Variants in HECW2 observed in about 807,000 individuals in gnomAD.
HECW2 encodes E3 ubiquitin-protein ligase HECW2.
In HECW2, 61 loss-of-function variants were observed where a neutral mutation model predicts 175.2. That is an observed-to-expected ratio of 0.35 (90% CI 0.28 to 0.43). HECW2 has a LOEUF of 0.43. Among genes scored for constraint, HECW2 ranks in the 20% least tolerant of loss-of-function variants. The pLI is 1.00. For synonymous variants in HECW2, 671 were observed against 731.0 expected (o/e 0.92, Z 1.32); for missense variants, 1,524 against 2,000.5 (o/e 0.76, Z 4.54).
intron 2 of HECW2, among the ~76,000 whole-genome samples, chr2:196,420,062 TATC>T (rs1305592697): frequency 6.6e-5 from 10 of 152,334 alleles, no homozygotes; most frequent in Admixed American, 5.2e-4. Flanking sequence ...GGAAGAGAAA[TATC>T]ATGCTTTCTC....
chr2:196,481,136 C>A (rs1686830101), intron 1 of HECW2, among the ~76,000 whole-genome samples: 1 of 152,212 alleles, frequency 6.6e-6, no homozygotes, highest in Non-Finnish European at 1.5e-5. Context: ...TGCCTGCTTT[C>A]AGGACTGCTT....
intron 3 of HECW2, among the ~76,000 whole-genome samples, chr2:196,334,870 T>C (rs1692494933): frequency 6.6e-6 from 1 of 152,206 alleles, no homozygotes; most frequent in South Asian, 2.1e-4. Flanking sequence ...TCACAGAACC[T>C]TGGGAGGCAG....
Position 196,521,021 on chromosome 2 carries a change from C to T in HECW2, c.-36+72487G>A, listed in dbSNP as rs573726583. ...CAAAACCCAGCAGCCTTGTGGCATG[C>T]AACACTAGGGTGGGTTCAGATCAGG... On this transcript the variant is annotated intron_variant, in intron 1 of 28. Transcript: ENST00000644978. 9.2e-5 allele frequency among the ~76,000 whole-genome samples: 14 copies of T among 152,248 alleles called. 1 individual carries two copies. Among genetic ancestry groups the T allele is most frequent in the Admixed American group, 8.5e-4 (13 of 15,298 alleles).
intron 1 of HECW2, among the ~76,000 whole-genome samples, chr2:196,434,057 T>C (rs563994093): frequency 1.3e-4 from 20 of 151,878 alleles, no homozygotes; most frequent in Non-Finnish European, 2.8e-4. Context: ...TTTTTCTCTA[T>C]AGCAATTTTT....
intron 1 of HECW2, among the ~76,000 whole-genome samples, chr2:196,585,682 A>G (rs537517487): frequency 5.4e-4 from 82 of 152,180 alleles, no homozygotes; most frequent in African/African-American, 2.0e-3. Context: ...AGAACAAAGG[A>G]GGAGAAGGAG....
intron 2 of HECW2, among the ~76,000 whole-genome samples, chr2:196,415,317 T>C (rs942044439): frequency 2.0e-5 from 3 of 152,092 alleles, no homozygotes; most frequent in Non-Finnish European, 4.4e-5. Flanking sequence ...GCCTATGAGA[T>C]TGAAAAAATG....
At chr2:196,229,420 G>C (rs1347692170) in intron 21 of HECW2, among the ~76,000 whole-genome samples, 1 of 152,152 alleles carries the variant, frequency 6.6e-6, no homozygotes, top group East Asian at 1.9e-4. Context: ...AGCACTTTGG[G>C]AAGCCAAGGC....
chr2:196,336,928 C>T (rs78441158), intron 3 of HECW2, among the ~76,000 whole-genome samples: 1 of 151,400 alleles, frequency 6.6e-6, no homozygotes, highest in Non-Finnish European at 1.5e-5. Flanking sequence ...AAACCACACA[C>T]GCTGGTCACT....
At position 196,343,559 on chromosome 2, in the gene HECW2, C is replaced by T. The variant is rs571236891; in HGVS notation, c.400+98G>A. 3 of 767,700 alleles carry T rather than the reference C, an allele frequency of 3.9e-6. No individual in the cohort carries two copies. The South Asian group carries it at 5.6e-5, about 14-fold the overall frequency. The allele number at this position is 767,700 out of a possible 1,614,324, so 47.6% of individuals were successfully genotyped here. On this transcript the variant is annotated intron_variant, in intron 3 of 28. Transcript: ENST00000644978. ...ATGGCATAAATATGTAAATCCAAAC[C>T]AAAGAATTTCAAAATAACATTCAAA...
chr2:196,313,004 T>C (rs1691555871), intron 10 of HECW2, among the ~76,000 whole-genome samples: 1 of 152,122 alleles, frequency 6.6e-6, no homozygotes, highest in South Asian at 2.1e-4. Flanking sequence ...TTTGAACCCC[T>C]CACATAAGTA....
intron 2 of HECW2, among the ~76,000 whole-genome samples, chr2:196,411,737 GC>G (rs979129576): frequency 1.3e-5 from 2 of 152,214 alleles, no homozygotes; most frequent in African/African-American, 2.4e-5. Flanking sequence ...AAGCCTGGAT[GC>G]GGTGGCTCAC....
At chr2:196,547,585 G>A (rs747591759) in intron 1 of HECW2, among the ~76,000 whole-genome samples, 4 of 152,200 alleles carry the variant, frequency 2.6e-5, no homozygotes, top group Non-Finnish European at 5.9e-5. Context: ...CCTCTAACTA[G>A]TGGTGTGTAT....
chr2:196,392,368 C>T (rs1363363275), intron 2 of HECW2, among the ~76,000 whole-genome samples: 3 of 152,128 alleles, frequency 2.0e-5, no homozygotes, highest in Admixed American at 6.6e-5. Flanking sequence ...AACCTACTTT[C>T]GGTGCCAGGG....
intron 1 of HECW2, among the ~76,000 whole-genome samples, chr2:196,439,815 T>C (rs951787214): frequency 6.6e-6 from 1 of 152,020 alleles, no homozygotes; most frequent in African/African-American, 2.4e-5. Flanking sequence ...GGGCTGATTA[T>C]AACAGGAAGA....
chr2:196,384,116 C>T (rs1044581341), intron 2 of HECW2, among the ~76,000 whole-genome samples: 2 of 152,172 alleles, frequency 1.3e-5, no homozygotes, highest in Admixed American at 1.3e-4. Context: ...TCTTGACCTC[C>T]CTGATTGAAG....
intron 2 of HECW2, among the ~76,000 whole-genome samples, chr2:196,348,062 A>G (rs1693024893): frequency 6.6e-6 from 1 of 152,244 alleles, no homozygotes; most frequent in South Asian, 2.1e-4. Context: ...ATGCTAAGAA[A>G]TGCCTAGAAT....
At chr2:196,364,855 AAG>A (rs1693701288) in intron 2 of HECW2, among the ~76,000 whole-genome samples, 1 of 152,222 alleles carries the variant, frequency 6.6e-6, no homozygotes, top group South Asian at 2.1e-4. Context: ...TCAGGAGAAA[AAG>A]AGAAAGCTCA....
chr2:196,323,363 C>T (rs138420142), intron 6 of HECW2, among the ~76,000 whole-genome samples: 29 of 152,244 alleles, frequency 1.9e-4, no homozygotes, highest in African/African-American at 6.0e-4. Context: ...ATCTTTACAA[C>T]GATGTAACTT....
chr2:196,315,149 A>AGTGTGTGTGTGTGT (rs58473650), intron 10 of HECW2, among the ~76,000 whole-genome samples: 19 of 144,716 alleles, frequency 1.3e-4, no homozygotes, highest in Non-Finnish European at 2.1e-4. Context: ...CGAGTGTATG[A>AGTGTGTGTGTGTGT]GTGTGTGTGT....
Sources: gnomAD v4.1 joint callset for allele counts (sites outside exome capture counted in the v4.1 genomes callset) on GRCh38, gnomAD v4.1.1 for gene constraint, MANE v1.5 for transcripts, NCBI Gene and HGNC (gene_info 2026-07-23, HGNC 2026-07-21) for gene names.